Variants in ORC1 observed in about 807,000 individuals in gnomAD.
ORC1 encodes origin recognition complex subunit 1.
ORC1 carries 61 observed loss-of-function variants against 98.9 expected under a neutral mutation model. The observed-to-expected ratio is 0.62, with a 90% CI of 0.50 to 0.76. ORC1 has a LOEUF of 0.76. Ranked by LOEUF, ORC1 falls within the 30% of genes least tolerant of loss-of-function variation. The pLI is 0.00. For synonymous variants in ORC1, 385 were observed against 406.9 expected (o/e 0.95, Z 0.65); for missense variants, 979 against 1,072.2 (o/e 0.91, Z 1.21).
chr1:52,400,464 C>T (rs551069664), intron 3 of ORC1, among the ~76,000 whole-genome samples: 25 of 152,260 alleles, frequency 1.6e-4, no homozygotes, highest in African/African-American at 4.3e-4. Context: ...TAACTGAAAT[C>T]GCAGAAGGTG....
At position 52,397,708 on chromosome 1, in the gene ORC1, C is replaced by A; in HGVS notation, c.379G>T (p.Glu127Ter). 1 of 1,614,220 alleles carries A rather than the reference C, an allele frequency of 6.2e-7. No homozygotes were observed. The highest frequency in any genetic ancestry group is 8.5e-7 in the Non-Finnish European group (1 of 1,180,034). Residue 127 changes from glutamate (E) to a stop codon, truncating the protein, a stop_gained, in exon 4 of 17, where the codon GAG (glutamate) becomes TAG (stop). Coordinates refer to ENST00000371568, the MANE Select transcript of ORC1 (RefSeq NM_004153.4). LOFTEE classifies it high-confidence loss of function. Reference sequence around the variant, plus strand: ...ACCCGAACAAGGCCAATGATGGTCTCCGCATTAATGTTGCTGTCACAGGCC... The same window carrying A: ...ACCCGAACAAGGCCAATGATGGTCTACGCATTAATGTTGCTGTCACAGGCC... ...YPACDSNINAETIIGLVRVIP... is the reference protein window; with the variant it reads ...YPACDSNINA
intron 4 of ORC1, among the ~76,000 whole-genome samples, chr1:52,396,655 CTAT>C (rs902543686): frequency 6.6e-6 from 1 of 151,976 alleles, no homozygotes; most frequent in African/African-American, 2.4e-5. Flanking sequence ...CTCTCAATTC[CTAT>C]TATTATCACC....
At position 52,374,797 on chromosome 1, in the gene ORC1, A is replaced by C. The variant is rs775314549; in HGVS notation, c.2391+13T>G. ...CCAAAATCTAGAAGGATTTGAAAAG[A>C]GGAGGAGATCACCTGTTGAAACGTG... On this transcript the variant is annotated intron_variant, in intron 16 of 16. Coordinates refer to ENST00000371568, the MANE Select transcript of ORC1 (RefSeq NM_004153.4). 6.3e-7 allele frequency: 1 copy of C among 1,577,528 alleles called. No individual in the cohort carries two copies. Among genetic ancestry groups the C allele is most frequent in the South Asian group, 1.1e-5 (1 of 90,402 alleles).
rs1392881379 is a variant in ORC1, at chr1:52,383,866, C to A, written c.1827G>T (p.Gly609=). The stretch of plus-strand genomic sequence containing the variant: ...GCAGGACGGTGGTTTCCTGAGGTGA[C>A]CCTCGGGTGCAGAATTGCTTTGCCA... ...ELLAKQFCTR[G]SPQETTVLLV... Residue 609 remains glycine (G), a synonymous_variant, in exon 12 of 17, where the codon GGG becomes GGT. Transcript: ENST00000371568. 1 of 1,614,042 alleles carries A rather than the reference C, an allele frequency of 6.2e-7. No individual in the cohort carries two copies. Among genetic ancestry groups the A allele is most frequent in the Non-Finnish European group, 8.5e-7 (1 of 1,180,024 alleles).
rs568858736 is a variant in ORC1 at position 52,389,409 on chromosome 1, T to G, written c.1083-88A>C. 9.1e-6 allele frequency: 8 copies of G among 878,820 alleles called. 1 individual carries two copies. In the South Asian group the frequency reaches 9.3e-5, roughly 10 times the overall value. The allele number at this position is 878,820 out of a possible 1,614,324, so 54.4% of individuals were successfully genotyped here. On this transcript the variant is annotated intron_variant, in intron 6 of 16. Coordinates refer to ENST00000371568, the MANE Select transcript of ORC1 (RefSeq NM_004153.4). ...CTAGAAGATAGTCAAGTGGCCTGAT[T>G]GGCTCCCAGTCTTTTTATATATACT...
chr1:52,386,156 T>C (rs1010777861), intron 8 of ORC1, among the ~76,000 whole-genome samples: 5 of 152,334 alleles, frequency 3.3e-5, no homozygotes, highest in Non-Finnish European at 5.9e-5. Context: ...GGTTTCTTTT[T>C]TCTAATGTAT....
chr1:52,389,830 T>C (rs1359827810), intron 6 of ORC1, among the ~76,000 whole-genome samples: 4 of 152,240 alleles, frequency 2.6e-5, no homozygotes, highest in Non-Finnish European at 4.4e-5. Flanking sequence ...TATCTTTTTG[T>C]ACAGTTTGTA....
intron 14 of ORC1, among the ~76,000 whole-genome samples, chr1:52,377,282 T>C (rs1647006136): frequency 6.6e-6 from 1 of 151,194 alleles, no homozygotes; most frequent in South Asian, 2.1e-4. Context: ...TTTTTGTTGG[T>C]TTTTTTGTTT....
At chr1:52,398,960 AC>A (rs1647561552) in intron 3 of ORC1, among the ~76,000 whole-genome samples, 1 of 152,150 alleles carries the variant, frequency 6.6e-6, no homozygotes, top group Non-Finnish European at 1.5e-5. Context: ...AAATCAAGTG[AC>A]GGGGGACCTT....
At chr1:52,377,368 C>T (rs1321668383) in intron 14 of ORC1, among the ~76,000 whole-genome samples, 2 of 152,120 alleles carry the variant, frequency 1.3e-5, no homozygotes, top group East Asian at 1.9e-4. Context: ...TCCACCTCCT[C>T]GGCTCAAGCA....
Position 52,385,993 on chromosome 1 carries a change from A to C in ORC1, c.1384-44T>G, listed in dbSNP as rs778241849. 4.2e-6 allele frequency: 6 copies of C among 1,420,298 alleles called. No individual in the cohort carries two copies. In the East Asian group the frequency reaches 1.4e-4, roughly 33 times the overall value. The allele number at this position is 1,420,298 out of a possible 1,614,324, so 88.0% of individuals were successfully genotyped here. On this transcript the variant is annotated intron_variant, in intron 8 of 16. Coordinates refer to ENST00000371568, the MANE Select transcript of ORC1 (RefSeq NM_004153.4). The stretch of plus-strand genomic sequence containing the variant: ...ACATATTTCACAAGGAAAAAGCAAA[A>C]CACCATCCAGGACACACCAGCAAAT...
chr1:52,389,868 G>A (rs539998799), intron 6 of ORC1, among the ~76,000 whole-genome samples: 2 of 152,272 alleles, frequency 1.3e-5, no homozygotes, highest in East Asian at 1.9e-4. Flanking sequence ...GTTAAAAAAT[G>A]AGTCCTAGCC....
intron 14 of ORC1, among the ~76,000 whole-genome samples, chr1:52,376,356 A>T: frequency 6.6e-6 from 1 of 152,136 alleles, no homozygotes; most frequent in East Asian, 1.9e-4. Context: ...CTCTACTAAA[A>T]ATACAAAAAT....
chr1:52,377,596 T>A (rs1204930622), intron 14 of ORC1, among the ~76,000 whole-genome samples: 2 of 149,886 alleles, frequency 1.3e-5, no homozygotes, highest in Non-Finnish European at 2.9e-5. Context: ...TTTACAACCA[T>A]AAGCCCTTGC....
Position 52,384,579 on chromosome 1 carries a change from G to C in ORC1, c.1726C>G (p.Pro576Ala). ...AAGATTTGCACATAGACTTGGTGGG[G>C]CTCCGTCAGCTTCATGCCATTGACC... The part of the protein sequence containing the change: ...IEVNGMKLTE[P>A]HQVYVQILQK... Residue 576 changes from proline to alanine, a missense_variant, in exon 11 of 17, where the codon CCC becomes GCC. Pro to Ala is a conservative substitution (Grantham distance 27, BLOSUM62 -1). Transcript: ENST00000371568. 1 of 1,614,114 alleles carries C rather than the reference G, an allele frequency of 6.2e-7. No homozygotes were observed. The highest frequency in any genetic ancestry group is 1.1e-5 in the South Asian group (1 of 91,088).
At chr1:52,396,744 C>A (rs935697204) in intron 4 of ORC1, among the ~76,000 whole-genome samples, 2 of 152,126 alleles carry the variant, frequency 1.3e-5, no homozygotes, top group African/African-American at 4.8e-5. Context: ...TATACCCTAC[C>A]ATTGCTTTCT....
At chr1:52,406,761 A>G (rs1488921313), upstream of ORC1, among the ~76,000 whole-genome samples, 3 of 152,354 alleles carry the variant, frequency 2.0e-5, no homozygotes, top group African/African-American at 4.8e-5. Flanking sequence ...AGGGCTTTGC[A>G]TATAATAATT....
intron 1 of ORC1, among the ~76,000 whole-genome samples, chr1:52,403,099 T>TTACA (rs1319731155): frequency 6.6e-6 from 1 of 152,202 alleles, no homozygotes; most frequent in Admixed American, 6.5e-5. Context: ...GGTGTACTTA[T>TTACA]TACAATAAAT....
intron 3 of ORC1, among the ~76,000 whole-genome samples, chr1:52,399,874 G>T (rs1463444420): frequency 6.6e-6 from 1 of 151,520 alleles, no homozygotes; most frequent in East Asian, 1.9e-4. Flanking sequence ...ATGACTTCTG[G>T]CAAATGCTTG....
Sources: allele counts gnomAD v4.1 joint callset (sites outside exome capture counted in the v4.1 genomes callset), GRCh38; gene constraint gnomAD v4.1.1; transcripts MANE v1.5; gene names NCBI Gene and HGNC (gene_info 2026-07-23, HGNC 2026-07-21).